The following TJAP1 variants were observed in gnomAD, a reference collection of about 807,000 sequenced individuals.
TJAP1 encodes the protein tight junction-associated protein 1.
A neutral mutation model predicts 42.0 loss-of-function variants in TJAP1; 27 were observed. The observed-to-expected ratio is 0.64, with a 90% confidence interval of 0.47 to 0.89. TJAP1 has a LOEUF of 0.89. Ranked by LOEUF, TJAP1 falls within the 40% of genes least tolerant of loss-of-function variation. The probability of loss-of-function intolerance (pLI) is 0.00; values close to 1 mark genes in which losing one functional copy is unlikely to be tolerated. For missense variants in TJAP1, 712 were observed against 726.9 expected (o/e 0.98, Z 0.24); for synonymous variants, 257 against 288.4 (o/e 0.89, Z 1.10).
In TJAP1 at chr6:43,503,742, C is replaced by T. The variant is rs764016301; in HGVS notation, c.579+36C>T. 4 of 1,580,360 alleles carry T rather than the reference C, an allele frequency of 2.5e-6. No homozygotes were observed. In the African/African-American group the frequency reaches 5.4e-5, roughly 21 times the overall value. ...CTCACCCCCTCCCTGCCCACATAGA[C>T]CATTCCGGCCACTGTAGGACTCCTC... On this transcript the variant is annotated intron_variant, in intron 10 of 10. Transcript: ENST00000372449.
chr6:43,494,561 A>G (rs997396265), intron 2 of TJAP1, among the ~76,000 whole-genome samples: 7 of 143,992 alleles, frequency 4.9e-5, no homozygotes, highest in African/African-American at 1.6e-4. Context: ...TGGTAGTCCA[A>G]CATCCTGAGT....
At chr6:43,481,731 G>T (rs1785366033) in intron 2 of TJAP1, among the ~76,000 whole-genome samples, 1 of 152,174 alleles carries the variant, frequency 6.6e-6, no homozygotes. Flanking sequence ...CCAGGCAGGA[G>T]GCCCAGTGTA....
chr6:43,489,887 TTC>T (rs1260194076), intron 2 of TJAP1: 1 of 152,332 alleles, frequency 6.6e-6, no homozygotes, highest in African/African-American at 2.4e-5. Context: ...TTCCTCTGCT[TTC>T]TCTCTGCAGC....
intron 2 of TJAP1, among the ~76,000 whole-genome samples, chr6:43,493,521 C>T (rs1788282853): frequency 6.6e-6 from 1 of 152,148 alleles, no homozygotes; most frequent in Non-Finnish European, 1.5e-5. Flanking sequence ...AGAACCATAT[C>T]CAGTCTGGAT....
intron 2 of TJAP1, among the ~76,000 whole-genome samples, chr6:43,484,867 A>G (rs1581914877): frequency 6.6e-6 from 1 of 152,236 alleles, no homozygotes; most frequent in African/African-American, 2.4e-5. Flanking sequence ...CTGGGATTAC[A>G]GGTGCCTGCC....
At chr6:43,478,698 G>A (rs1222482887) in intron 2 of TJAP1, 1 of 152,210 alleles carries the variant, frequency 6.6e-6, no homozygotes, top group African/African-American at 2.4e-5. Flanking sequence ...TTCTCGCTGT[G>A]TGTCTACTTT....
chr6:43,486,309 G>A (rs936229185), intron 2 of TJAP1, among the ~76,000 whole-genome samples: 1 of 151,004 alleles, frequency 6.6e-6, no homozygotes, highest in Non-Finnish European at 1.5e-5. Context: ...AATCAGAAAG[G>A]GGGTTAAAGG....
intron 2 of TJAP1, among the ~76,000 whole-genome samples, chr6:43,496,466 C>A (rs2127577277): frequency 6.6e-6 from 1 of 152,350 alleles, no homozygotes; most frequent in South Asian, 2.1e-4. Flanking sequence ...GCCGACACAG[C>A]ATGTTGCATG....
intron 9 of TJAP1, 33 bp from the exon 10 acceptor site, chr6:43,503,590 G>A: frequency 6.2e-7 from 1 of 1,612,918 alleles, no homozygotes; most frequent in East Asian, 2.2e-5. Context: ...GGAGAGGGCT[G>A]GGCTGGGCTC....
rs537355096 is a variant in TJAP1 at position 43,501,366 on chromosome 6, A to G, written c.129-160A>G. 1.7e-4 allele frequency: 115 copies of G among 662,724 alleles called. No individual in the cohort carries two copies. The South Asian group carries it at 2.3e-3, about 13-fold the overall frequency. The allele number at this position is 662,724 out of a possible 1,614,324, so 41.1% of individuals were successfully genotyped here. Reference sequence around the variant, plus strand: ...GTTCCCAGGGCCAGCAGGCCTATGAAATATGCTGCCTTAGACTCAGACTAA... The same window carrying G: ...GTTCCCAGGGCCAGCAGGCCTATGAGATATGCTGCCTTAGACTCAGACTAA... On this transcript the variant is annotated intron_variant, in intron 5 of 10. Transcript: ENST00000372449.
At position 43,483,125 on chromosome 6, in the gene TJAP1, A is replaced by T. The variant is rs536043389; in HGVS notation, c.-122+4893A>T. Among the ~76,000 whole-genome samples the T allele has an allele frequency of 5.3e-3, 696 of 131,088 alleles. 3 individuals carry two copies. Among genetic ancestry groups the T allele is most frequent in the Non-Finnish European group, 7.5e-3 (477 of 63,280 alleles). The allele number at this position is 131,088 out of a possible 152,430, so 86.0% of individuals were successfully genotyped here. A position where few individuals can be genotyped will look rare whatever the true frequency, so the allele number is the denominator to read the frequency against. ...CAACAGAGCAAGACTCCATCTCAAT[A>T]AAAAAAAAAAAAAAGTCTTCCCTTA... On this transcript the variant is annotated intron_variant, in intron 2 of 10. Coordinates refer to ENST00000372449, the Ensembl canonical transcript of TJAP1.
In TJAP1 at chr6:43,503,734, C is replaced by G. The variant is rs771325802; in HGVS notation, c.579+28C>G. 2.5e-6 allele frequency: 4 copies of G among 1,597,856 alleles called. No homozygotes were observed. In the Admixed American group the frequency reaches 6.7e-5, roughly 27 times the overall value. On this transcript the variant is annotated intron_variant, in intron 10 of 10. Transcript: ENST00000372449. ...GAGTAGAACTCACCCCCTCCCTGCC[C>G]ACATAGACCATTCCGGCCACTGTAG...
chr6:43,504,009 G>A, intron 10 of TJAP1: 1 of 591,546 alleles, frequency 1.7e-6, no homozygotes, highest in Non-Finnish European at 3.3e-6. Flanking sequence ...ACTAAGAGAG[G>A]ATTAGGCCCA....
chr6:43,487,108 G>A (rs1049338188), intron 2 of TJAP1, among the ~76,000 whole-genome samples: 1 of 152,136 alleles, frequency 6.6e-6, no homozygotes, highest in African/African-American at 2.4e-5. Context: ...AGAAGGGTGG[G>A]ACCTCTTCTT....
At position 43,505,893 on chromosome 6, in the gene TJAP1, C is replaced by T. The variant is rs1195217769; in HGVS notation, c.*38C>T. ...CCTTCCTGCCATTGCTGCACCAGGACTGCAAGGAGTCCCCACACCTTGGCA... is the reference window on the plus strand; with the variant it reads ...CCTTCCTGCCATTGCTGCACCAGGATTGCAAGGAGTCCCCACACCTTGGCA... On this transcript the variant is annotated 3_prime_UTR_variant, in exon 11 of 11. Coordinates refer to ENST00000372449, the Ensembl canonical transcript of TJAP1. This position sits in a 1 kb window ranked among gnomAD's most constrained non-coding sequence, Gnocchi z 5.5. 42 of 1,431,940 alleles carry T rather than the reference C, an allele frequency of 2.9e-5. No individual in the cohort carries two copies. Among genetic ancestry groups the T allele is most frequent in the Non-Finnish European group, 3.7e-5 (41 of 1,097,164 alleles). 88.7% of individuals were successfully genotyped at this position (1,431,940 alleles called of 1,614,324 possible).
At chr6:43,479,941 G>T (rs1784965757) in intron 2 of TJAP1, among the ~76,000 whole-genome samples, 5 of 152,010 alleles carry the variant, frequency 3.3e-5, no homozygotes, top group Admixed American at 3.3e-4. Flanking sequence ...CTGCACTCCA[G>T]TCAGGTGACA....
chr6:43,501,227 C>T (rs1582080419), intron 5 of TJAP1: 1 of 411,974 alleles, frequency 2.4e-6, no homozygotes, highest in Non-Finnish European at 4.4e-6. Flanking sequence ...CAGAGACAGG[C>T]TGGGAGCCAT....
intron 2 of TJAP1, among the ~76,000 whole-genome samples, chr6:43,481,374 C>T (rs903082420): frequency 4.6e-5 from 7 of 151,596 alleles, no homozygotes; most frequent in Admixed American, 3.3e-4. Flanking sequence ...TGTAGATGTA[C>T]GTATAAGGCT....
rs752547710 is a variant in TJAP1, at chr6:43,492,497, C to T, written c.-121-5384C>T. The stretch of plus-strand genomic sequence containing the variant: ...GTTGGCTGCCTGCCTGCCACGCGCC[C>T]GGGATTGCTGAAGGCTTTACTCATG... On this transcript the variant is annotated intron_variant, in intron 2 of 10. Coordinates refer to ENST00000372449, the Ensembl canonical transcript of TJAP1. This position sits in a 1 kb window ranked among gnomAD's most constrained non-coding sequence, Gnocchi z 4.2. 5.9e-5 allele frequency among the ~76,000 whole-genome samples: 9 copies of T among 152,242 alleles called. No homozygotes were observed. The highest frequency in any genetic ancestry group is 3.4e-3 in the Middle Eastern group (1 of 294).
Sources: allele counts gnomAD v4.1 joint callset (sites outside exome capture counted in the v4.1 genomes callset), GRCh38; gene constraint gnomAD v4.1.1; non-coding constraint Gnocchi (gnomAD v3.1); transcripts MANE v1.5; gene names NCBI Gene and HGNC (gene_info 2026-07-23, HGNC 2026-07-21).